Variants in AGPAT4 observed in about 807,000 individuals in gnomAD.
The protein encoded by AGPAT4 is 1-acylglycerol-3-phosphate O-acyltransferase 4, also known as 1-acyl-sn-glycerol-3-phosphate acyltransferase delta.
In AGPAT4, 15 loss-of-function variants were observed where a neutral mutation model predicts 48.0. The observed-to-expected ratio is 0.31, with a 90% CI of 0.21 to 0.48. AGPAT4 has a LOEUF of 0.48. Ranked by LOEUF, AGPAT4 falls within the 20% of genes least tolerant of loss-of-function variation. AGPAT4 has a pLI of 0.99. For missense variants in AGPAT4, 314 were observed against 482.5 expected, an observed-to-expected ratio of 0.65 and a Z score of 3.27; for synonymous variants, 178 against 198.7, an observed-to-expected ratio of 0.90 and a Z score of 0.88.
Position 161,233,694 on chromosome 6 carries a change from G to A in AGPAT4, c.-89-1392C>T, listed in dbSNP as rs991945769. Reference sequence around the variant, plus strand: ...TGATTTGGCCTAACTGTAGGCTAACGTAAATGTGCTGAACATGTTTAAGGC... The same window carrying A: ...TGATTTGGCCTAACTGTAGGCTAACATAAATGTGCTGAACATGTTTAAGGC... On this transcript the variant is annotated intron_variant, in intron 1 of 8. Transcript: ENST00000320285. The surrounding 1 kb of genome is among the most constrained non-coding windows in gnomAD (Gnocchi z 5.4). Among the ~76,000 whole-genome samples, 5 of 152,330 alleles carry A rather than the reference G, an allele frequency of 3.3e-5. No individual in the cohort carries two copies. Among genetic ancestry groups the A allele is most frequent in the Non-Finnish European group, 2.9e-5 (2 of 68,022 alleles).
At chr6:161,151,455 G>C (rs1004541397) in intron 5 of AGPAT4, among the ~76,000 whole-genome samples, 1 of 152,228 alleles carries the variant, frequency 6.6e-6, no homozygotes. Context: ...AGGGAGCCGC[G>C]CTGGCCCAAC....
In AGPAT4 at chr6:161,178,264, A is replaced by C. The variant is rs2114990143; in HGVS notation, c.179-11847T>G. On this transcript the variant is annotated intron_variant, in intron 2 of 8. Transcript: ENST00000320285. This position sits in a 1 kb window ranked among gnomAD's most constrained non-coding sequence, Gnocchi z 5.1. ...CTACAGAGGCATGCAGGCCTCCTTG[A>C]GCTGCGGTGGGCTCCACCCAATTCA... Among the ~76,000 whole-genome samples, 1 of 152,238 alleles carries C rather than the reference A, an allele frequency of 6.6e-6. No individual in the cohort carries two copies. The highest frequency in any genetic ancestry group is 1.9e-4 in the East Asian group (1 of 5,168).
In AGPAT4 at chr6:161,130,927, T is replaced by C. The variant is rs1202883240; in HGVS notation, c.*5613A>G. The stretch of plus-strand genomic sequence containing the variant: ...ATTCCATGGATGACTTTTCTGAATG[T>C]CCTAGAATGTTTGGCAAAGATCTGG... On this transcript the variant is annotated 3_prime_UTR_variant, in exon 9 of 9. Transcript: ENST00000320285. 1.9e-6 allele frequency: 1 copy of C among 518,774 alleles called. No individual in the cohort carries two copies. Among genetic ancestry groups the C allele is most frequent in the Non-Finnish European group, 3.8e-6 (1 of 259,764 alleles). 32.1% of individuals were successfully genotyped at this position (518,774 alleles called of 1,614,324 possible). A position where few individuals can be genotyped will look rare whatever the true frequency, so the allele number is the denominator to read the frequency against.
At position 161,273,267 on chromosome 6, in the gene AGPAT4, TAAA is replaced by T. The variant is rs535048139; in HGVS notation, c.-90+668_-90+670del. Among the ~76,000 whole-genome samples the T allele has an allele frequency of 3.3e-5, 5 of 152,080 alleles. No homozygotes were observed. In the South Asian group the frequency reaches 1.0e-3, roughly 32 times the overall value. ...AGAAATTCATAGGCCGAAAATTAGG[TAAA>T]TAGAGAGGTAATTACCAATGCCTGT... On this transcript the variant is annotated intron_variant, in intron 1 of 8. Coordinates refer to ENST00000320285, the MANE Select transcript of AGPAT4 (RefSeq NM_020133.3).
At chr6:161,153,920 C>CACACGGCCCCATGGTCAT in intron 4 of AGPAT4, among the ~76,000 whole-genome samples, 1 of 151,082 alleles carries the variant, frequency 6.6e-6, no homozygotes, top group Non-Finnish European at 1.5e-5. Context: ...CCTGGGGTCA[C>CACACGGCCCCATGGTCAT]ACACGGCCCC....
At chr6:161,167,555 G>A (rs1780139529) in intron 2 of AGPAT4, among the ~76,000 whole-genome samples, 1 of 152,140 alleles carries the variant, frequency 6.6e-6, no homozygotes. Flanking sequence ...ACTCGTTAGT[G>A]AAGCATGCAT....
At position 161,244,308 on chromosome 6, in the gene AGPAT4, C is replaced by T. The variant is rs1434058385; in HGVS notation, c.-89-12006G>A. On this transcript the variant is annotated intron_variant, in intron 1 of 8. Coordinates refer to ENST00000320285, the MANE Select transcript of AGPAT4 (RefSeq NM_020133.3). This position sits in a 1 kb window ranked among gnomAD's most constrained non-coding sequence, Gnocchi z 4.7. ...AGGATGGGGCTGACACCAACGCAGA[C>T]AGCACGTTCCTACATCACCAGCAAA... is the stretch of plus-strand genomic sequence containing the variant. Among the ~76,000 whole-genome samples, 2 of 152,178 alleles carry T rather than the reference C, an allele frequency of 1.3e-5. No homozygotes were observed. The highest frequency in any genetic ancestry group is 2.9e-5 in the Non-Finnish European group (2 of 68,020).
In AGPAT4 at chr6:161,132,608, C is replaced by T. The variant is rs1778936590; in HGVS notation, c.*3932G>A. 1 of 152,296 alleles carries T rather than the reference C, an allele frequency of 6.6e-6. No homozygotes were observed. The highest frequency in any genetic ancestry group is 1.5e-5 in the Non-Finnish European group (1 of 68,090). 9.4% of individuals were successfully genotyped at this position (152,296 alleles called of 1,614,324 possible). ...GCCCCGTGCCAAGGCGTGACTAGGA[C>T]CAGAAGAATCAGAAAGCATGGTGGA... On this transcript the variant is annotated 3_prime_UTR_variant, in exon 9 of 9. Transcript: ENST00000320285.
intron 2 of AGPAT4, among the ~76,000 whole-genome samples, chr6:161,211,966 G>A (rs923439172): frequency 1.5e-4 from 23 of 152,134 alleles, no homozygotes; most frequent in Non-Finnish European, 2.9e-4. Context: ...GAAGAGGTGG[G>A]TGCATGAGAT....
In AGPAT4 at chr6:161,201,085, G is replaced by A. The variant is rs549737919; in HGVS notation, c.178+30951C>T. ...TCAGCCGAGGAAGTCATCATGAGCC[G>A]TGCGGTGTTGCAAAGGAAATCTTGT... On this transcript the variant is annotated intron_variant, in intron 2 of 8. Coordinates refer to ENST00000320285, the MANE Select transcript of AGPAT4 (RefSeq NM_020133.3). This position sits in a 1 kb window ranked among gnomAD's most constrained non-coding sequence, Gnocchi z 6.0. Among the ~76,000 whole-genome samples, 9 of 152,270 alleles carry A rather than the reference G, an allele frequency of 5.9e-5. No homozygotes were observed. The highest frequency in any genetic ancestry group is 1.2e-4 in the African/African-American group (5 of 41,542).
chr6:161,244,393 A>G lies in AGPAT4; in HGVS notation c.-89-12091T>C, dbSNP rs1782591005. On this transcript the variant is annotated intron_variant, in intron 1 of 8. Transcript: ENST00000320285. The surrounding 1 kb of genome is among the most constrained non-coding windows in gnomAD (Gnocchi z 4.7). The stretch of plus-strand genomic sequence containing the variant: ...GATCTTTAATATTTCAAAATACGAC[A>G]AAAACAAATAATAAAAAGCCTTTAA... 6.6e-6 allele frequency among the ~76,000 whole-genome samples: 1 copy of G among 152,228 alleles called. No individual in the cohort carries two copies. Among genetic ancestry groups the G allele is most frequent in the Non-Finnish European group, 1.5e-5 (1 of 68,042 alleles).
chr6:161,225,525 C>A lies in AGPAT4; in HGVS notation c.178+6511G>T, dbSNP rs957690984. On this transcript the variant is annotated intron_variant, in intron 2 of 8. Transcript: ENST00000320285. The surrounding 1 kb of genome is among the most constrained non-coding windows in gnomAD (Gnocchi z 5.0). ...AACTTTATTTATAACAATTCCCTGT[C>A]ACTTCCTGAGGTCTCCCAGGAGATA... Among the ~76,000 whole-genome samples the A allele has an allele frequency of 6.6e-6, 1 of 152,186 alleles. No homozygotes were observed. Among genetic ancestry groups the A allele is most frequent in the African/African-American group, 2.4e-5 (1 of 41,454 alleles).
At chr6:161,190,983 G>A (rs1780906764) in intron 2 of AGPAT4, among the ~76,000 whole-genome samples, 1 of 152,218 alleles carries the variant, frequency 6.6e-6, no homozygotes, top group Admixed American at 6.5e-5. Context: ...CATGAAGACA[G>A]ACTGGTTAGA....
chr6:161,223,350 G>A lies in AGPAT4; in HGVS notation c.178+8686C>T, dbSNP rs551030414. On this transcript the variant is annotated intron_variant, in intron 2 of 8. Coordinates refer to ENST00000320285, the MANE Select transcript of AGPAT4 (RefSeq NM_020133.3). This position sits in a 1 kb window ranked among gnomAD's most constrained non-coding sequence, Gnocchi z 6.3. Reference sequence around the variant, plus strand: ...TGTTTGCTTAACATCATCCTTGGGTGTTAAAATAAAAACTTGCATAGCATT... The same window carrying A: ...TGTTTGCTTAACATCATCCTTGGGTATTAAAATAAAAACTTGCATAGCATT... Among the ~76,000 whole-genome samples the A allele has an allele frequency of 6.6e-6, 1 of 152,320 alleles. No homozygotes were observed. The highest frequency in any genetic ancestry group is 2.4e-5 in the African/African-American group (1 of 41,570).
In AGPAT4 at chr6:161,246,433, G is replaced by C. The variant is rs199626601; in HGVS notation, c.-89-14131C>G. 1.7e-5 allele frequency among the ~76,000 whole-genome samples: 2 copies of C among 116,376 alleles called. No homozygotes were observed. The highest frequency in any genetic ancestry group is 3.5e-5 in the Non-Finnish European group (2 of 57,584). 76.3% of individuals were successfully genotyped at this position (116,376 alleles called of 152,430 possible). On this transcript the variant is annotated intron_variant, in intron 1 of 8. Coordinates refer to ENST00000320285, the MANE Select transcript of AGPAT4 (RefSeq NM_020133.3). This position sits in a 1 kb window ranked among gnomAD's most constrained non-coding sequence, Gnocchi z 5.5. The stretch of plus-strand genomic sequence containing the variant: ...GGGATTCTTTTTTTTTTTTGAGACA[G>C]AGTTTCACTCTTGTTGCCCAGGCTG...
chr6:161,226,128 C>A lies in AGPAT4; in HGVS notation c.178+5908G>T, dbSNP rs1781975125. Among the ~76,000 whole-genome samples, 1 of 152,152 alleles carries A rather than the reference C, an allele frequency of 6.6e-6. No homozygotes were observed. The highest frequency in any genetic ancestry group is 1.9e-4 in the East Asian group (1 of 5,192). On this transcript the variant is annotated intron_variant, in intron 2 of 8. Transcript: ENST00000320285. This position sits in a 1 kb window ranked among gnomAD's most constrained non-coding sequence, Gnocchi z 6.3. ...AGGGGACCCAAATTTGAGGCTGTGT[C>A]CTCCCAGCAGAGGTAGCCAGTAGGT...
At chr6:161,199,881 C>T (rs1345088369) in intron 2 of AGPAT4, among the ~76,000 whole-genome samples, 1 of 152,180 alleles carries the variant, frequency 6.6e-6, no homozygotes, top group Non-Finnish European at 1.5e-5. Context: ...TACCCAGTCT[C>T]AGGTAGCTCT....
rs890586516 is a variant in AGPAT4 at position 161,165,565 on chromosome 6, C to T, written c.348+683G>A. 1 of 1,287,810 alleles carries T rather than the reference C, an allele frequency of 7.8e-7. No individual in the cohort carries two copies. The highest frequency in any genetic ancestry group is 1.5e-5 in the African/African-American group (1 of 65,030). The allele number at this position is 1,287,810 out of a possible 1,614,324, so 79.8% of individuals were successfully genotyped here. A position where few individuals can be genotyped will look rare whatever the true frequency, so the allele number is the denominator to read the frequency against. Reference sequence around the variant, plus strand: ...AATGTACACTGTGTACACTGTGATTCCTACGGAATACCTGAGTACCGCAGA... The same window carrying T: ...AATGTACACTGTGTACACTGTGATTTCTACGGAATACCTGAGTACCGCAGA... On this transcript the variant is annotated intron_variant, in intron 3 of 8. Coordinates refer to ENST00000320285, the MANE Select transcript of AGPAT4 (RefSeq NM_020133.3). This position sits in a 1 kb window ranked among gnomAD's most constrained non-coding sequence, Gnocchi z 5.5.
Position 161,184,174 on chromosome 6 carries a change from G to A in AGPAT4, c.179-17757C>T, listed in dbSNP as rs747122183. Among the ~76,000 whole-genome samples, 3 of 152,004 alleles carry A rather than the reference G, an allele frequency of 2.0e-5. No homozygotes were observed. Among genetic ancestry groups the A allele is most frequent in the African/African-American group, 4.8e-5 (2 of 41,378 alleles). On this transcript the variant is annotated intron_variant, in intron 2 of 8. Transcript: ENST00000320285. The surrounding 1 kb of genome is among the most constrained non-coding windows in gnomAD (Gnocchi z 4.8). ...TGGAGAAAGAAGTGCAGCAGGTTACGGGTGGAAGGCAGGTGTTGAAGCAGG... is the reference window on the plus strand; with the variant it reads ...TGGAGAAAGAAGTGCAGCAGGTTACAGGTGGAAGGCAGGTGTTGAAGCAGG...
Sources: gnomAD v4.1 joint callset for allele counts (sites outside exome capture counted in the v4.1 genomes callset) on GRCh38, gnomAD v4.1.1 for gene constraint, Gnocchi (gnomAD v3.1) non-coding constraint, MANE v1.5 for transcripts, NCBI Gene and HGNC (gene_info 2026-07-23, HGNC 2026-07-21) for gene names.